The following NAA35 variants were observed in gnomAD, a reference collection of about 807,000 sequenced individuals.
NAA35 encodes N-alpha-acetyltransferase 35, NatC auxiliary subunit, also known as MAK10 homolog, amino-acid N-acetyltransferase subunit.
NAA35 carries 18 observed loss-of-function variants against 101.7 expected under a neutral mutation model. The observed-to-expected ratio is 0.18, with a 90% CI of 0.12 to 0.26. The LOEUF is 0.26. NAA35 is among the 10% of genes least tolerant of loss of function. The pLI is 1.00. For missense variants in NAA35, 601 were observed against 886.8 expected (o/e 0.68, Z 4.09); for synonymous variants, 267 against 273.1 (o/e 0.98, Z 0.22).
chr9:85,961,878 C>T (rs1292440157), intron 5 of NAA35, 135 bp from the exon 6 acceptor site: 2 of 579,158 alleles, frequency 3.5e-6, no homozygotes, highest in Non-Finnish European at 2.8e-6. Context: ...TGAATTCTAA[C>T]GTGTCTTTTT....
Position 86,009,905 on chromosome 9 carries a change from G to C in NAA35, c.1264G>C (p.Asp422His), listed in dbSNP as rs369185828. 6.2e-7 allele frequency: 1 copy of C among 1,613,064 alleles called. No homozygotes were observed. Among genetic ancestry groups the C allele is most frequent in the Non-Finnish European group, 8.5e-7 (1 of 1,179,332 alleles). ...YNNHQAKDCI[D>H]SFVTHCVRPF... Reference sequence around the variant, plus strand: ...TAATCACCAGGCTAAGGACTGTATCGACTCCTTTGTTACTCACTGTGTTCG... The same window carrying C: ...TAATCACCAGGCTAAGGACTGTATCCACTCCTTTGTTACTCACTGTGTTCG... Residue 422 changes from aspartate to histidine, a missense_variant, in exon 15 of 23, where the codon GAC (aspartate) becomes CAC (histidine). By Grantham distance (81) the Asp-to-His change is moderately conservative. Transcript: ENST00000361671.
At chr9:85,951,196 G>C (rs907924996) in intron 2 of NAA35, among the ~76,000 whole-genome samples, 2 of 151,184 alleles carry the variant, frequency 1.3e-5, no homozygotes, top group African/African-American at 2.4e-5. Flanking sequence ...TTTTAAAAAT[G>C]AGAAATCATT....
chr9:85,982,018 G>C (rs1830457838), intron 11 of NAA35, among the ~76,000 whole-genome samples: 1 of 152,212 alleles, frequency 6.6e-6, no homozygotes, highest in Non-Finnish European at 1.5e-5. Context: ...CATTAAGGGA[G>C]AAAGTAGGAA....
chr9:85,942,577 T>C (rs547790437), intron 2 of NAA35, among the ~76,000 whole-genome samples: 5 of 152,356 alleles, frequency 3.3e-5, no homozygotes, highest in Admixed American at 2.6e-4. Flanking sequence ...TAAAAGATAA[T>C]AGTATTTTTG....
chr9:85,962,406 G>A (rs1829554082), intron 6 of NAA35, among the ~76,000 whole-genome samples: 1 of 144,096 alleles, frequency 6.9e-6, no homozygotes, highest in Non-Finnish European at 1.5e-5. Flanking sequence ...CATGAGAGTT[G>A]CTTGAACCCA....
intron 1 of NAA35, 180 bp downstream of exon 1, chr9:85,941,453 T>C: frequency 1.0e-6 from 1 of 985,350 alleles, no homozygotes; most frequent in Non-Finnish European, 1.2e-6. Context: ...GAGGCCCCAC[T>C]CTTGCCCGGT....
At chr9:85,945,594 C>CGGCTCACTT (rs1204702912) in intron 2 of NAA35, among the ~76,000 whole-genome samples, 3 of 151,214 alleles carry the variant, frequency 2.0e-5, no homozygotes, top group African/African-American at 7.3e-5. Flanking sequence ...GGTGCTGTCT[C>CGGCTCACTT]GGCTCACTCG....
At chr9:85,951,916 G>C (rs180684437) in intron 2 of NAA35, among the ~76,000 whole-genome samples, 1 of 152,058 alleles carries the variant, frequency 6.6e-6, no homozygotes, top group African/African-American at 2.4e-5. Flanking sequence ...TGCCTTGGCC[G>C]CCTCCCAAAA....
chr9:85,951,660 A>G (rs1327001469), intron 2 of NAA35, among the ~76,000 whole-genome samples: 2 of 152,164 alleles, frequency 1.3e-5, no homozygotes, highest in East Asian at 1.9e-4. Flanking sequence ...AGATCTTCCA[A>G]AAATTTTTTT....
chr9:85,941,200 G>A lies in NAA35; in HGVS notation c.-79G>A. The A allele has an allele frequency of 6.1e-6, 6 of 986,822 alleles. No individual in the cohort carries two copies. The highest frequency in any genetic ancestry group is 7.2e-6 in the Non-Finnish European group (6 of 830,856). 61.1% of individuals were successfully genotyped at this position (986,822 alleles called of 1,614,324 possible). A position where few individuals can be genotyped will look rare whatever the true frequency, so the allele number is the denominator to read the frequency against. ...CTGGGCTGAGAGGGGAGGGGGCGGCGGCGGCCGAGGCGGCGTCGTTATTTC... is the reference window on the plus strand; with the variant it reads ...CTGGGCTGAGAGGGGAGGGGGCGGCAGCGGCCGAGGCGGCGTCGTTATTTC... On this transcript the variant is annotated 5_prime_UTR_variant, in exon 1 of 23. Coordinates refer to ENST00000361671, the MANE Select transcript of NAA35 (RefSeq NM_024635.4).
chr9:85,957,307 T>C (rs1829319123), intron 3 of NAA35, among the ~76,000 whole-genome samples: 1 of 152,218 alleles, frequency 6.6e-6, no homozygotes, highest in Non-Finnish European at 1.5e-5. Context: ...TGGATCATCA[T>C]AAAGGTTTTC....
intron 12 of NAA35, 78 bp downstream of exon 12, chr9:85,996,655 G>T: frequency 8.9e-7 from 1 of 1,129,044 alleles, no homozygotes; most frequent in Non-Finnish European, 1.2e-6. Flanking sequence ...ATATTTATGT[G>T]GTAACTTTGG....
At chr9:85,996,599 A>G in intron 12 of NAA35, 22 bp downstream of exon 12, 3 of 1,493,156 alleles carry the variant, frequency 2.0e-6, no homozygotes, top group African/African-American at 2.9e-5. Context: ...TCTCTGTTCC[A>G]GAATGTAACT....
At chr9:85,955,350 ATATATATATAT>A (rs1354376739) in intron 2 of NAA35, among the ~76,000 whole-genome samples, 2 of 61,884 alleles carry the variant, frequency 3.2e-5, no homozygotes, top group African/African-American at 2.2e-4. Context: ...ATATATATAT[ATATATATATAT>A]TTTTTTTTTT....
chr9:85,952,157 A>G (rs1829045702), intron 2 of NAA35, among the ~76,000 whole-genome samples: 1 of 152,032 alleles, frequency 6.6e-6, no homozygotes, highest in African/African-American at 2.4e-5. Context: ...TTTTTCTTGA[A>G]GTGACAGACT....
At chr9:86,012,982 G>GT (rs1832022032) in intron 15 of NAA35, 64 bp from the exon 16 acceptor site, 1 of 1,132,794 alleles carries the variant, frequency 8.8e-7, no homozygotes, top group African/African-American at 1.5e-5. Flanking sequence ...AACTTGGAAT[G>GT]TTAAGTTTCT....
At chr9:85,997,424 C>G (rs905721814) in intron 12 of NAA35, among the ~76,000 whole-genome samples, 4 of 151,534 alleles carry the variant, frequency 2.6e-5, no homozygotes, top group African/African-American at 4.9e-5. Context: ...TCCCTGCAAC[C>G]TCCGCCTGCC....
intron 6 of NAA35, among the ~76,000 whole-genome samples, chr9:85,973,543 G>T (rs565107423): frequency 6.6e-6 from 1 of 152,132 alleles, no homozygotes; most frequent in African/African-American, 2.4e-5. Flanking sequence ...GATACAGGAT[G>T]TAGAAAAACG....
At position 86,015,473 on chromosome 9, in the gene NAA35, C is replaced by G. The variant is rs180873245; in HGVS notation, c.1569-1066C>G. Among the ~76,000 whole-genome samples the G allele has an allele frequency of 3.5e-4, 53 of 152,226 alleles. No individual in the cohort carries two copies. In the East Asian group the frequency reaches 9.8e-3, roughly 28 times the overall value. On this transcript the variant is annotated intron_variant, in intron 17 of 22. Transcript: ENST00000361671. ...ATCAGCAAAAACAGTGATTCTTAAA[C>G]TTTAACATGCATCATAATCACTTGG...
Sources: gnomAD v4.1 joint callset for allele counts (sites outside exome capture counted in the v4.1 genomes callset) on GRCh38, gnomAD v4.1.1 for gene constraint, MANE v1.5 for transcripts, NCBI Gene and HGNC (gene_info 2026-07-23, HGNC 2026-07-21) for gene names.